PARD3B: variants seen among roughly 807,000 people sequenced by gnomAD.
PARD3B encodes the protein partitioning defective 3 homolog B.
PARD3B carries 103 observed loss-of-function variants against 130.2 expected under a neutral mutation model. The ratio of observed to expected loss-of-function variants is 0.79; its 90% CI spans 0.67 to 0.93. PARD3B has a LOEUF of 0.93. Among genes scored for constraint, PARD3B ranks in the 40% least tolerant of loss-of-function variants. PARD3B has a pLI of 0.00. For missense variants in PARD3B, 1,609 were observed against 1,499.2 expected, an observed-to-expected ratio of 1.07 and a Z score of -1.21; for synonymous variants, 583 against 553.2, an observed-to-expected ratio of 1.05 and a Z score of -0.76.
Position 204,805,723 on chromosome 2 carries a change from A to C in PARD3B, c.222+119441A>C, listed in dbSNP as rs2125510789. On this transcript the variant is annotated intron_variant, in intron 2 of 22. Coordinates refer to ENST00000406610, the MANE Select transcript of PARD3B (RefSeq NM_001302769.2). ...AGATCATTCATTATGACCAAGTGGG[A>C]TTTATACCAATGATGCAAGGCAAGG... Among the ~76,000 whole-genome samples the C allele has an allele frequency of 1.3e-5, 2 of 152,230 alleles. 1 individual carries two copies. Among genetic ancestry groups the C allele is most frequent in the Middle Eastern group, 6.8e-3 (2 of 294 alleles).
intron 2 of PARD3B, among the ~76,000 whole-genome samples, chr2:204,823,800 C>T (rs988717258): frequency 6.6e-6 from 1 of 151,936 alleles, no homozygotes; most frequent in Non-Finnish European, 1.5e-5. Context: ...ATTATTCAGG[C>T]ATGGTGGCAC....
chr2:205,500,116 A>T (rs1253397001), intron 21 of PARD3B, 85 bp downstream of exon 21: 3 of 1,431,618 alleles, frequency 2.1e-6, no homozygotes, highest in Non-Finnish European at 2.9e-6. Context: ...AATGTTCTGT[A>T]CATACCAGAT....
intron 2 of PARD3B, among the ~76,000 whole-genome samples, chr2:204,727,047 T>A (rs1164441740): frequency 6.6e-6 from 1 of 152,226 alleles, no homozygotes; most frequent in African/African-American, 2.4e-5. Flanking sequence ...CTTTGATTCA[T>A]TGAAACTCTT....
At chr2:205,103,666 A>T (rs1443456340) in intron 4 of PARD3B, 1 of 962,344 alleles carries the variant, frequency 1.0e-6, no homozygotes, top group East Asian at 1.1e-4. Flanking sequence ...AGGTATCCAC[A>T]GGATTCCCTG....
intron 16 of PARD3B, among the ~76,000 whole-genome samples, chr2:205,270,118 G>A (rs534960683): frequency 1.3e-5 from 2 of 152,112 alleles, no homozygotes; most frequent in South Asian, 4.2e-4. Context: ...CCACAAATAT[G>A]TATACCTACT....
intron 18 of PARD3B, among the ~76,000 whole-genome samples, chr2:205,312,811 T>G (rs1160882974): frequency 6.6e-6 from 1 of 151,516 alleles, no homozygotes; most frequent in Non-Finnish European, 1.5e-5. Flanking sequence ...GCAATGACCC[T>G]TTTTTTTCCA....
intron 15 of PARD3B, among the ~76,000 whole-genome samples, chr2:205,222,642 C>T (rs2038303939): frequency 6.6e-6 from 1 of 152,122 alleles, no homozygotes; most frequent in Non-Finnish European, 1.5e-5. Flanking sequence ...TGAATAATGG[C>T]CGTTTGCCTT....
intron 2 of PARD3B, among the ~76,000 whole-genome samples, chr2:204,705,434 G>T (rs533133981): frequency 6.6e-6 from 1 of 152,158 alleles, no homozygotes; most frequent in Non-Finnish European, 1.5e-5. Flanking sequence ...GTTAAAGGAG[G>T]CTCTTCTAAG....
chr2:205,331,782 C>CAAACAAAA (rs2043140569), intron 18 of PARD3B, among the ~76,000 whole-genome samples: 1 of 48,392 alleles, frequency 2.1e-5, no homozygotes, highest in African/African-American at 1.1e-4. Flanking sequence ...GACTCCGTCT[C>CAAACAAAA]AAAAAAAAAA....
At position 205,584,991 on chromosome 2, in the gene PARD3B, T is replaced by C. The variant is rs1452101182; in HGVS notation, c.3261-30465T>C. On this transcript the variant is annotated intron_variant, in intron 22 of 22. Transcript: ENST00000406610. The surrounding 1 kb of genome is among the most constrained non-coding windows in gnomAD (Gnocchi z 5.5). Reference sequence around the variant, plus strand: ...CTTGTTGAAGGCACAGGTGTCTAATTGCGCCCACAAATGACCGTTTGACAG... The same window carrying C: ...CTTGTTGAAGGCACAGGTGTCTAATCGCGCCCACAAATGACCGTTTGACAG... Among the ~76,000 whole-genome samples, 2 of 152,162 alleles carry C rather than the reference T, an allele frequency of 1.3e-5. No homozygotes were observed. Among genetic ancestry groups the C allele is most frequent in the East Asian group, 3.9e-4 (2 of 5,188 alleles).
rs541655308 is a variant in PARD3B at position 205,515,187 on chromosome 2, C to A, written c.3180+15156C>A. ...AAAGACATGATCTCATTCTTTTTTA[C>A]GGCTGCATAGTATTCCATGCTGTAT... On this transcript the variant is annotated intron_variant, in intron 21 of 22. Coordinates refer to ENST00000406610, the MANE Select transcript of PARD3B (RefSeq NM_001302769.2). Among the ~76,000 whole-genome samples the A allele has an allele frequency of 3.3e-5, 5 of 149,820 alleles. No homozygotes were observed. The South Asian group carries it at 1.1e-3, about 32-fold the overall frequency.
At chr2:205,442,245 GGGAATTCTA>G (rs2047739890) in intron 20 of PARD3B, among the ~76,000 whole-genome samples, 1 of 151,410 alleles carries the variant, frequency 6.6e-6, no homozygotes, top group Non-Finnish European at 1.5e-5. Context: ...AATACATATG[GGGAATTCTA>G]GGAATTCTAG....
intron 5 of PARD3B, among the ~76,000 whole-genome samples, chr2:205,108,498 C>A (rs1304075034): frequency 6.6e-6 from 1 of 151,776 alleles, no homozygotes; most frequent in Non-Finnish European, 1.5e-5. Flanking sequence ...ATTCTCTCTC[C>A]CACCTTCCTC....
chr2:205,501,957 G>C (rs1184245226), intron 21 of PARD3B, among the ~76,000 whole-genome samples: 3 of 152,104 alleles, frequency 2.0e-5, no homozygotes, highest in Non-Finnish European at 4.4e-5. Context: ...TCTGCCAAAA[G>C]TGACTGATTT....
Position 205,230,670 on chromosome 2 carries a change from A to G in PARD3B, c.2141-15108A>G, listed in dbSNP as rs952282461. On this transcript the variant is annotated intron_variant, in intron 15 of 22. Coordinates refer to ENST00000406610, the MANE Select transcript of PARD3B (RefSeq NM_001302769.2). This position sits in a 1 kb window ranked among gnomAD's most constrained non-coding sequence, Gnocchi z 4.1. ...CACTAGGTTATTACCCCCCAAGTCCACTTACTCCAAGCCCAGCACAGCATC... is the reference window on the plus strand; with the variant it reads ...CACTAGGTTATTACCCCCCAAGTCCGCTTACTCCAAGCCCAGCACAGCATC... Among the ~76,000 whole-genome samples the G allele has an allele frequency of 2.4e-4, 37 of 152,136 alleles. 1 individual carries two copies. Among genetic ancestry groups the G allele is most frequent in the African/African-American group, 8.7e-4 (36 of 41,430 alleles).
intron 2 of PARD3B, among the ~76,000 whole-genome samples, chr2:204,775,937 C>A (rs1311441910): frequency 6.6e-6 from 1 of 152,082 alleles, no homozygotes; most frequent in Non-Finnish European, 1.5e-5. Context: ...AGCATGTTTC[C>A]CAGAAGCCTG....
At position 205,461,458 on chromosome 2, in the gene PARD3B, G is replaced by A. The variant is rs1307698879; in HGVS notation, c.3044+20786G>A. 6.6e-6 allele frequency among the ~76,000 whole-genome samples: 1 copy of A among 152,140 alleles called. No individual in the cohort carries two copies. The highest frequency in any genetic ancestry group is 1.5e-5 in the Non-Finnish European group (1 of 68,024). On this transcript the variant is annotated intron_variant, in intron 20 of 22. Transcript: ENST00000406610. The surrounding 1 kb of genome is among the most constrained non-coding windows in gnomAD (Gnocchi z 4.3). Reference sequence around the variant, plus strand: ...GGTATTCCCTAGCACGGACTGCCATGTAGAAAAGGTCCCCTATTATTTCAG... The same window carrying A: ...GGTATTCCCTAGCACGGACTGCCATATAGAAAAGGTCCCCTATTATTTCAG...
intron 21 of PARD3B, among the ~76,000 whole-genome samples, chr2:205,524,008 T>A (rs2051219852): frequency 6.6e-6 from 1 of 152,056 alleles, no homozygotes. Context: ...TTCCCAAGGT[T>A]TTTTTCCTGA....
intron 2 of PARD3B, among the ~76,000 whole-genome samples, chr2:204,946,972 T>C (rs1301197599): frequency 6.6e-6 from 1 of 152,218 alleles, no homozygotes; most frequent in Admixed American, 6.5e-5. Flanking sequence ...TCTTACTCAG[T>C]CTTTTTATTT....
Sources: allele counts gnomAD v4.1 joint callset (sites outside exome capture counted in the v4.1 genomes callset), GRCh38; gene constraint gnomAD v4.1.1; non-coding constraint Gnocchi (gnomAD v3.1); transcripts MANE v1.5; gene names NCBI Gene and HGNC (gene_info 2026-07-23, HGNC 2026-07-21).